ANKS1B: variants seen among roughly 807,000 people sequenced by gnomAD.
The protein encoded by ANKS1B is ankyrin repeat and sterile alpha motif domain-containing protein 1B.
ANKS1B carries 36 observed loss-of-function variants against 148.3 expected under a neutral mutation model. The observed-to-expected ratio is 0.24, with a 90% CI of 0.19 to 0.32. The LOEUF (loss-of-function observed/expected upper bound fraction) is 0.32, where lower values mean the gene tolerates loss of function less well. ANKS1B is among the 10% of genes least tolerant of loss of function. The pLI is 1.00. For missense variants in ANKS1B, 1,157 were observed against 1,542.6 expected (o/e 0.75, Z 4.19); for synonymous variants, 542 against 560.8 (o/e 0.97, Z 0.47).
intron 8 of ANKS1B, among the ~76,000 whole-genome samples, chr12:99,694,288 A>C (rs2053572606): frequency 1.3e-5 from 2 of 151,464 alleles, no homozygotes; most frequent in Non-Finnish European, 2.9e-5. Flanking sequence ...AAAATACAAA[A>C]ATTAGCTAGG....
chr12:99,929,480 G>A (rs2094558284), intron 1 of ANKS1B, among the ~76,000 whole-genome samples: 1 of 152,122 alleles, frequency 6.6e-6, no homozygotes. Flanking sequence ...TTCTTTTGCT[G>A]TGCAGAAGCT....
chr12:99,258,574 G>A (rs1196306199), intron 12 of ANKS1B, among the ~76,000 whole-genome samples: 2 of 150,066 alleles, frequency 1.3e-5, no homozygotes, highest in East Asian at 3.9e-4. Context: ...AGGAGTGCTG[G>A]GTTTTAGAAA....
At chr12:99,755,813 T>C (rs2061518748) in intron 8 of ANKS1B, among the ~76,000 whole-genome samples, 1 of 152,110 alleles carries the variant, frequency 6.6e-6, no homozygotes, top group African/African-American at 2.4e-5. Flanking sequence ...CATCCATTCA[T>C]GTTAAAAACT....
At chr12:99,929,018 G>A (rs1036299792) in intron 1 of ANKS1B, among the ~76,000 whole-genome samples, 3 of 152,160 alleles carry the variant, frequency 2.0e-5, no homozygotes, top group Admixed American at 2.0e-4. Context: ...AGATTGGAAA[G>A]GTTAGATTTT....
At chr12:99,658,556 A>G (rs2098461070) in intron 8 of ANKS1B, among the ~76,000 whole-genome samples, 1 of 151,974 alleles carries the variant, frequency 6.6e-6, no homozygotes, top group Non-Finnish European at 1.5e-5. Context: ...CCTTGAGTTG[A>G]TAGATGCTAT....
intron 22 of ANKS1B, chr12:98,795,592 G>T (rs1299408967): frequency 2.3e-6 from 1 of 442,792 alleles, no homozygotes; most frequent in East Asian, 7.0e-5. Context: ...CTTTTAAAAA[G>T]CTCCTGTTTT....
At chr12:98,793,878 T>C (rs982783747) in intron 22 of ANKS1B, among the ~76,000 whole-genome samples, 2 of 152,068 alleles carry the variant, frequency 1.3e-5, no homozygotes, top group African/African-American at 4.8e-5. Flanking sequence ...AAATTCAGGG[T>C]TCGGGATGGG....
At chr12:99,193,312 C>T (rs1469654338) in intron 14 of ANKS1B, among the ~76,000 whole-genome samples, 2 of 152,154 alleles carry the variant, frequency 1.3e-5, no homozygotes, top group Non-Finnish European at 2.9e-5. Context: ...ATCGACCTAT[C>T]TCACCTGAAT....
At chr12:99,504,369 G>T in intron 10 of ANKS1B, 107 bp downstream of exon 10, 1 of 1,131,610 alleles carries the variant, frequency 8.8e-7, no homozygotes, top group Non-Finnish European at 1.3e-6. Context: ...TACATTGGGG[G>T]AACTTTCATT....
chr12:99,028,278 A>C (rs2099949958), intron 17 of ANKS1B, among the ~76,000 whole-genome samples: 1 of 152,134 alleles, frequency 6.6e-6, no homozygotes, highest in African/African-American at 2.4e-5. Context: ...CTCAACTCTG[A>C]ATTTTATTTT....
chr12:99,378,661 A>C (rs897255719), intron 12 of ANKS1B, among the ~76,000 whole-genome samples: 18 of 151,182 alleles, frequency 1.2e-4, no homozygotes, highest in Non-Finnish European at 2.7e-4. Flanking sequence ...TCAAAAAAAA[A>C]AAAAAAAAAA....
chr12:98,977,015 T>C (rs1369271268), intron 17 of ANKS1B, among the ~76,000 whole-genome samples: 1 of 152,222 alleles, frequency 6.6e-6, no homozygotes, highest in Non-Finnish European at 1.5e-5. Context: ...AAGGGAAATA[T>C]CGACACTTCT....
chr12:99,122,010 T>C (rs923749468), intron 15 of ANKS1B, among the ~76,000 whole-genome samples: 3 of 152,156 alleles, frequency 2.0e-5, no homozygotes, highest in African/African-American at 4.8e-5. Context: ...ATTCCTGAAG[T>C]ATTATTTTAA....
chr12:99,325,116 G>A (rs2086060641), intron 12 of ANKS1B, among the ~76,000 whole-genome samples: 1 of 151,692 alleles, frequency 6.6e-6, no homozygotes. Context: ...AAGCATATAG[G>A]GTCTTCAAAA....
At chr12:98,765,646 ACCT>A (rs2098470566) in intron 25 of ANKS1B, among the ~76,000 whole-genome samples, 1 of 150,514 alleles carries the variant, frequency 6.6e-6, no homozygotes, top group Non-Finnish European at 1.5e-5. Context: ...ACTCACTGTA[ACCT>A]CCGCCTCCCA....
At chr12:98,871,504 G>A (rs1186185664) in intron 17 of ANKS1B, among the ~76,000 whole-genome samples, 3 of 152,046 alleles carry the variant, frequency 2.0e-5, no homozygotes, top group African/African-American at 7.2e-5. Flanking sequence ...AGAAATCAGT[G>A]GTTCAGCTGA....
intron 9 of ANKS1B, among the ~76,000 whole-genome samples, chr12:99,525,887 A>T (rs2096922041): frequency 6.6e-6 from 1 of 152,080 alleles, no homozygotes; most frequent in Non-Finnish European, 1.5e-5. Context: ...ATAAAGATCA[A>T]GAGACAAAAA....
chr12:99,812,264 G>A lies in ANKS1B; in HGVS notation c.263C>T (p.Ala88Val). The change falls in exon 3 of 27, where the codon GCA (alanine) becomes GTA (valine). Residue 88 changes from alanine to valine, a missense_variant. Coordinates refer to ENST00000683438, the MANE Select transcript of ANKS1B (RefSeq NM_001352186.2). ...AATAGGAAAATACCCTTTGTTGTCT[G>A]CTACATTTGTTGATGCCTCATACTG... is the stretch of plus-strand genomic sequence containing the variant. Reference protein sequence around the residue: ...LLQYEASTNVADNKGYFPIHL... With the variant: ...LLQYEASTNVVDNKGYFPIHL... 3 of 1,611,624 alleles carry A rather than the reference G, an allele frequency of 1.9e-6. No homozygotes were observed. The highest frequency in any genetic ancestry group is 2.5e-6 in the Non-Finnish European group (3 of 1,178,464).
At chr12:99,702,356 T>C (rs2153522009) in intron 8 of ANKS1B, among the ~76,000 whole-genome samples, 1 of 152,292 alleles carries the variant, frequency 6.6e-6, no homozygotes, top group Non-Finnish European at 1.5e-5. Flanking sequence ...AAATGTCTAT[T>C]CAGATCTTTT....
Sources: allele counts gnomAD v4.1 joint callset (sites outside exome capture counted in the v4.1 genomes callset), GRCh38; gene constraint gnomAD v4.1.1; transcripts MANE v1.5; gene names NCBI Gene and HGNC (gene_info 2026-07-23, HGNC 2026-07-21).